Variants in PDE4B observed in about 807,000 individuals in gnomAD.
PDE4B encodes the protein 3',5'-cyclic-AMP phosphodiesterase 4B.
Under a neutral mutation model 82.2 loss-of-function variants are expected in PDE4B, and 20 were observed. The ratio of observed to expected loss-of-function variants is 0.24; its 90% CI spans 0.17 to 0.35. The LOEUF (loss-of-function observed/expected upper bound fraction) is 0.35. Ranked by LOEUF, PDE4B falls within the 10% of genes least tolerant of loss-of-function variation. The pLI is 1.00. For synonymous variants in PDE4B, 320 were observed against 318.9 expected (o/e 1.00, Z -0.04); for missense variants, 655 against 907.2 (o/e 0.72, Z 3.57).
intron 3 of PDE4B, among the ~76,000 whole-genome samples, chr1:66,054,985 C>T (rs1655223775): frequency 6.6e-6 from 1 of 152,094 alleles, no homozygotes; most frequent in East Asian, 1.9e-4. Context: ...TCATGGACAC[C>T]TTTATAGAGG....
intron 3 of PDE4B, among the ~76,000 whole-genome samples, chr1:66,006,660 G>C (rs1226833091): frequency 6.6e-6 from 1 of 152,066 alleles, no homozygotes; most frequent in Non-Finnish European, 1.5e-5. Context: ...CTGGTGGGAG[G>C]TAATTGAATC....
intron 1 of PDE4B, among the ~76,000 whole-genome samples, chr1:65,878,998 T>A (rs1209464709): frequency 6.6e-6 from 1 of 152,208 alleles, no homozygotes; most frequent in Non-Finnish European, 1.5e-5. Context: ...TCTAAAGTCT[T>A]TACATAGTTA....
intron 3 of PDE4B, among the ~76,000 whole-genome samples, chr1:66,155,131 G>A (rs1364233937): frequency 6.6e-6 from 1 of 151,946 alleles, no homozygotes; most frequent in Non-Finnish European, 1.5e-5. Flanking sequence ...CTCTGTCTCT[G>A]GAAAAAAAGA....
intron 3 of PDE4B, among the ~76,000 whole-genome samples, chr1:66,090,556 A>T (rs183120426): frequency 2.5e-3 from 369 of 149,388 alleles, no homozygotes; most frequent in Non-Finnish European, 4.2e-3. Flanking sequence ...ACTCAGAGGA[A>T]CAAATAGTTA....
chr1:65,840,887 C>T (rs1571000884), intron 1 of PDE4B, among the ~76,000 whole-genome samples: 1 of 152,164 alleles, frequency 6.6e-6, no homozygotes, highest in Non-Finnish European at 1.5e-5. Flanking sequence ...ATTTCGGAAT[C>T]GCTATGTTGA....
At chr1:66,276,021 T>C (rs778709469) in intron 7 of PDE4B, among the ~76,000 whole-genome samples, 12 of 152,122 alleles carry the variant, frequency 7.9e-5, no homozygotes, top group Non-Finnish European at 1.8e-4. Context: ...GGTCAGATAA[T>C]GCTATTTTCT....
At chr1:65,940,680 T>C (rs553266840) in intron 3 of PDE4B, among the ~76,000 whole-genome samples, 1 of 152,190 alleles carries the variant, frequency 6.6e-6, no homozygotes, top group African/African-American at 2.4e-5. Flanking sequence ...TGCTTTTTGC[T>C]TGATTTGCTA....
At chr1:65,868,835 C>G (rs35825384) in intron 1 of PDE4B, among the ~76,000 whole-genome samples, 1 of 152,064 alleles carries the variant, frequency 6.6e-6, no homozygotes, top group Non-Finnish European at 1.5e-5. Context: ...ACTGTGCATG[C>G]GAGGGATCTA....
chr1:65,962,847 T>C (rs1349945540), intron 3 of PDE4B, among the ~76,000 whole-genome samples: 1 of 152,122 alleles, frequency 6.6e-6, no homozygotes, highest in Non-Finnish European at 1.5e-5. Flanking sequence ...AAAATGGCAC[T>C]CTTTTGAAAG....
intron 3 of PDE4B, among the ~76,000 whole-genome samples, chr1:66,242,360 G>A (rs887099783): frequency 6.6e-6 from 1 of 152,190 alleles, no homozygotes; most frequent in Non-Finnish European, 1.5e-5. Context: ...AAGCAAAATT[G>A]AGACAGCAAG....
At chr1:65,822,517 T>G (rs1215671497) in intron 1 of PDE4B, among the ~76,000 whole-genome samples, 1 of 152,184 alleles carries the variant, frequency 6.6e-6, no homozygotes, top group African/African-American at 2.4e-5. Context: ...CTGCTATGGT[T>G]TGAATGTATG....
intron 7 of PDE4B, among the ~76,000 whole-genome samples, chr1:66,325,950 G>A (rs1435961642): frequency 6.6e-6 from 1 of 152,122 alleles, no homozygotes; most frequent in Admixed American, 6.6e-5. Context: ...TACTTTTCTT[G>A]TCTAAGGGCA....
chr1:66,266,073 G>C lies in PDE4B; in HGVS notation c.620G>C (p.Arg207Thr), dbSNP rs1405013141. Residue 207 changes from arginine (R) to threonine (T), a missense_variant, in exon 7 of 17, where the codon AGA becomes ACA. Arg to Thr is a moderately conservative substitution (Grantham distance 71, BLOSUM62 -1). Coordinates refer to ENST00000341517, the MANE Select transcript of PDE4B (RefSeq NM_002600.4). ...GCTGCTAGTCAGCCTCCTGTCTCCA[G>C]AGTCAACCCACAAGGTAGGCCATGT... is the stretch of plus-strand genomic sequence containing the variant. ...SPAASQPPVS[R>T]VNPQEESYQK... 1.7e-5 allele frequency: 27 copies of C among 1,612,804 alleles called. No individual in the cohort carries two copies. Among genetic ancestry groups the C allele is most frequent in the Non-Finnish European group, 2.3e-5 (27 of 1,178,958 alleles).
At chr1:66,135,765 T>C (rs1646044108) in intron 3 of PDE4B, among the ~76,000 whole-genome samples, 1 of 152,198 alleles carries the variant, frequency 6.6e-6, no homozygotes, top group East Asian at 1.9e-4. Context: ...ACTGCAACCA[T>C]AGAAGTCTCG....
intron 3 of PDE4B, among the ~76,000 whole-genome samples, chr1:66,104,914 C>A: frequency 6.8e-6 from 1 of 146,752 alleles, no homozygotes; most frequent in Non-Finnish European, 1.5e-5. Flanking sequence ...ATGGTAGTTT[C>A]TTTTGCTGTG....
intron 3 of PDE4B, among the ~76,000 whole-genome samples, chr1:66,018,159 T>C (rs1177097670): frequency 6.6e-6 from 1 of 152,296 alleles, no homozygotes; most frequent in East Asian, 1.9e-4. Flanking sequence ...GGCTCACACC[T>C]GTAATCCCAG....
chr1:65,821,845 C>A (rs1166779038), intron 1 of PDE4B, among the ~76,000 whole-genome samples: 1 of 152,108 alleles, frequency 6.6e-6, no homozygotes, highest in Non-Finnish European at 1.5e-5. Flanking sequence ...ATATGAATGT[C>A]CATCTTTTGT....
intron 7 of PDE4B, among the ~76,000 whole-genome samples, chr1:66,328,992 G>A (rs761663947): frequency 5.3e-5 from 8 of 152,180 alleles, no homozygotes; most frequent in Admixed American, 2.6e-4. Flanking sequence ...GTGGATAGGG[G>A]CTTGGGGACC....
chr1:66,063,933 G>A (rs1470326381), intron 3 of PDE4B, among the ~76,000 whole-genome samples: 3 of 151,860 alleles, frequency 2.0e-5, no homozygotes, highest in African/African-American at 7.3e-5. Context: ...AAATGAACAG[G>A]TGCTCTCCTA....
Sources: gnomAD v4.1 joint callset for allele counts (sites outside exome capture counted in the v4.1 genomes callset) on GRCh38, gnomAD v4.1.1 for gene constraint, MANE v1.5 for transcripts, NCBI Gene and HGNC (gene_info 2026-07-23, HGNC 2026-07-21) for gene names.